PRH1: variants seen among roughly 807,000 people sequenced by gnomAD.
The protein encoded by PRH1 is proline rich protein HaeIII subfamily 1, also known as salivary acidic proline-rich phosphoprotein 1/2.
Under a neutral mutation model 7.9 loss-of-function variants are expected in PRH1, and 7 were observed. The observed-to-expected ratio is 0.89, with a 90% CI of 0.50 to 1.67. PRH1 has a LOEUF of 1.67. Among genes scored for constraint, PRH1 ranks in the 40% most tolerant of loss-of-function variants. The pLI is 0.00. For synonymous variants in PRH1, 45 were observed against 80.8 expected (o/e 0.56, Z 2.38); for missense variants, 109 against 223.6 (o/e 0.49, Z 3.27).
intron 2 of PRH1, among the ~76,000 whole-genome samples, chr12:10,944,594 T>C (rs1390040385): frequency 6.6e-6 from 1 of 152,154 alleles, no homozygotes; most frequent in Non-Finnish European, 1.5e-5. Context: ...TCCAATACTA[T>C]GTTGAAAAGA....
At chr12:11,125,087 C>T (rs753586674) in intron 1 of PRH1, among the ~76,000 whole-genome samples, 29 of 151,988 alleles carry the variant, frequency 1.9e-4, no homozygotes, top group Non-Finnish European at 3.1e-4. Context: ...AGGTGATCCA[C>T]CAGCCTCGGT....
chr12:11,072,201 G>T (rs1265530939), intron 1 of PRH1, among the ~76,000 whole-genome samples: 2 of 152,230 alleles, frequency 1.3e-5, no homozygotes, highest in African/African-American at 4.8e-5. Flanking sequence ...AGCCCAGGGT[G>T]GTCTGGAACT....
intron 2 of PRH1, among the ~76,000 whole-genome samples, chr12:10,913,228 T>C (rs10845241): frequency 0.49 from 74,672 of 152,000 alleles, 20,771 homozygotes; most frequent in East Asian, 0.72. Flanking sequence ...CCGAGGCGGG[T>C]GGATCATGAG....
At chr12:10,987,797 A>C (rs1939727162) in intron 1 of PRH1, among the ~76,000 whole-genome samples, 2 of 152,128 alleles carry the variant, frequency 1.3e-5, no homozygotes, top group African/African-American at 4.8e-5. Flanking sequence ...TTATTATTTA[A>C]TTAAAATGTT....
At chr12:10,899,258 A>G (rs373649351) in intron 2 of PRH1, among the ~76,000 whole-genome samples, 5 of 146,794 alleles carry the variant, frequency 3.4e-5, no homozygotes. Context: ...TTGGGGGACT[A>G]TTGTTGGGAT....
intron 1 of PRH1, among the ~76,000 whole-genome samples, chr12:10,992,522 T>C (rs146475047): frequency 6.6e-5 from 10 of 152,202 alleles, no homozygotes; most frequent in African/African-American, 2.4e-4. Flanking sequence ...TGGGCTAAAC[T>C]GATCCCCCTG....
At chr12:10,966,940 C>A (rs1938528089) in intron 2 of PRH1, among the ~76,000 whole-genome samples, 1 of 151,838 alleles carries the variant, frequency 6.6e-6, no homozygotes, top group Non-Finnish European at 1.5e-5. Context: ...ACGGTGAAAC[C>A]CCGTCTCTAC....
At chr12:10,987,020 C>T (rs570912349) in intron 1 of PRH1, 14 of 492,614 alleles carry the variant, frequency 2.8e-5, no homozygotes, top group African/African-American at 1.8e-4. Context: ...AAGAAAGTAC[C>T]AGCTTATGCT....
intron 2 of PRH1, among the ~76,000 whole-genome samples, chr12:10,931,332 A>G (rs1241515513): frequency 6.6e-6 from 1 of 152,188 alleles, no homozygotes; most frequent in Admixed American, 6.5e-5. Flanking sequence ...ATGAGGACAT[A>G]GAATCATGTT....
intron 1 of PRH1, chr12:11,171,257 C>A: frequency 1.3e-6 from 1 of 796,986 alleles, no homozygotes; most frequent in Non-Finnish European, 1.7e-6. Flanking sequence ...CCGGGAGCCG[C>A]TTTGCTTACC....
At chr12:11,008,629 C>T (rs1472750645) in intron 1 of PRH1, among the ~76,000 whole-genome samples, 2 of 152,100 alleles carry the variant, frequency 1.3e-5, no homozygotes, top group African/African-American at 4.8e-5. Flanking sequence ...AGGTGCAATC[C>T]TATATGTTCT....
intron 1 of PRH1, chr12:11,134,205 C>G (rs1350247315): frequency 1.2e-6 from 2 of 1,613,320 alleles, no homozygotes; most frequent in Admixed American, 3.3e-5. Context: ...AATATAACCA[C>G]TATTAGAATG....
intron 1 of PRH1, among the ~76,000 whole-genome samples, chr12:11,100,596 C>A (rs1190696375): frequency 6.6e-6 from 1 of 152,180 alleles, no homozygotes; most frequent in Non-Finnish European, 1.5e-5. Flanking sequence ...ATCAACACTT[C>A]TTAGTTTTTA....
At chr12:10,937,712 T>G (rs1950311871) in intron 2 of PRH1, 1 of 152,254 alleles carries the variant, frequency 6.6e-6, no homozygotes, top group African/African-American at 2.4e-5. Context: ...ATTTTCTATC[T>G]GCAAAGCCAA....
intron 1 of PRH1, among the ~76,000 whole-genome samples, chr12:10,975,473 AAGT>A (rs1939045834): frequency 6.6e-6 from 1 of 152,192 alleles, no homozygotes. Flanking sequence ...AAATACACTT[AAGT>A]ACATAGACCA....
rs34742610 is a variant in PRH1 at position 11,094,299 on chromosome 12, C to CAAAAAA, written n.124-47117_124-47112dup. Among the ~76,000 whole-genome samples the CAAAAAA allele has an allele frequency of 2.6e-4, 7 of 27,024 alleles. No homozygotes were observed. The Admixed American group carries it at 2.8e-3, about 11-fold the overall frequency. The allele number at this position is 27,024 out of a possible 152,430, so 17.7% of individuals were successfully genotyped here. Reference sequence around the variant, plus strand: ...CCTGAGTGACAGACCAAGACTCTGTCAAAAAAAAAAAAAAAAAAAAAAAAA... The same window carrying CAAAAAA: ...CCTGAGTGACAGACCAAGACTCTGTCAAAAAAAAAAAAAAAAAAAAAAAAAAAAAAA... On this transcript the variant is annotated intron_variant and non_coding_transcript_variant, in intron 1 of 4. Transcript: ENST00000541977.
chr12:10,913,500 C>T (rs1340134862), intron 2 of PRH1, among the ~76,000 whole-genome samples: 3 of 152,002 alleles, frequency 2.0e-5, no homozygotes, highest in Non-Finnish European at 4.4e-5. Context: ...ATTACATTAG[C>T]TTATTTTTGT....
At chr12:11,057,450 G>A (rs923315478) in intron 1 of PRH1, among the ~76,000 whole-genome samples, 1 of 151,164 alleles carries the variant, frequency 6.6e-6, no homozygotes. Context: ...CACATTCTTC[G>A]TGAACTGTAG....
intron 1 of PRH1, among the ~76,000 whole-genome samples, chr12:11,161,236 T>C (rs1947404117): frequency 6.6e-6 from 1 of 152,162 alleles, no homozygotes; most frequent in Non-Finnish European, 1.5e-5. Flanking sequence ...ATAGGGAAGG[T>C]TACTCAGACA....
Sources: allele counts gnomAD v4.1 joint callset (sites outside exome capture counted in the v4.1 genomes callset), GRCh38; gene constraint gnomAD v4.1.1; transcripts MANE v1.5; gene names NCBI Gene and HGNC (gene_info 2026-07-23, HGNC 2026-07-21).